The following UBE2D1 variants were observed in gnomAD, a reference collection of about 807,000 sequenced individuals.
The protein encoded by UBE2D1 is ubiquitin-conjugating enzyme E2 D1.
In UBE2D1, 9 loss-of-function variants were observed where a neutral mutation model predicts 24.6. The ratio of observed to expected loss-of-function variants is 0.37; its 90% CI spans 0.22 to 0.64. The LOEUF is 0.64. Among genes scored for constraint, UBE2D1 ranks in the 30% least tolerant of loss-of-function variants. The pLI is 0.64. For synonymous variants in UBE2D1, 57 were observed against 57.6 expected (o/e 0.99, Z 0.04); for missense variants, 87 against 177.1 (o/e 0.49, Z 2.89).
intron 1 of UBE2D1, among the ~76,000 whole-genome samples, chr10:58,347,392 G>A (rs983796953): frequency 2.6e-5 from 4 of 152,090 alleles, no homozygotes; most frequent in Non-Finnish European, 5.9e-5. Flanking sequence ...TGGCTACTTT[G>A]GATTTGTCTA....
At chr10:58,359,863 C>A (rs150518867) in intron 1 of UBE2D1, among the ~76,000 whole-genome samples, 4 of 152,200 alleles carry the variant, frequency 2.6e-5, no homozygotes, top group Admixed American at 6.5e-5. Context: ...ACATGTAATT[C>A]ATCAACTCCT....
chr10:58,350,004 A>C (rs954042293), intron 1 of UBE2D1, among the ~76,000 whole-genome samples: 7 of 152,166 alleles, frequency 4.6e-5, no homozygotes, highest in African/African-American at 1.7e-4. Flanking sequence ...TACTGCATGA[A>C]TATGCTTCGA....
In UBE2D1 at chr10:58,360,840, G is replaced by A. The variant is rs187316965; in HGVS notation, c.25-498G>A. The A allele has an allele frequency of 3.6e-3, 1,366 of 383,202 alleles. 35 individuals carry two copies. The Admixed American group carries it at 0.041, about 11-fold the overall frequency. The allele number at this position is 383,202 out of a possible 1,614,324, so 23.7% of individuals were successfully genotyped here. A position where few individuals can be genotyped will look rare whatever the true frequency, so the allele number is the denominator to read the frequency against. The stretch of plus-strand genomic sequence containing the variant: ...AGTGGGGGCCTGAGGTGGGAGGATC[G>A]CTTAGGCCCAGGAGGTTGAGGCTGC... On this transcript the variant is annotated intron_variant, in intron 1 of 6. Coordinates refer to ENST00000373910, the MANE Select transcript of UBE2D1 (RefSeq NM_003338.5).
intron 1 of UBE2D1, among the ~76,000 whole-genome samples, chr10:58,338,380 A>C (rs1839925642): frequency 2.0e-5 from 3 of 152,202 alleles, no homozygotes. Context: ...CCAGCTCATA[A>C]ATTTACACAC....
intron 3 of UBE2D1, among the ~76,000 whole-genome samples, chr10:58,363,266 A>G (rs1243206963): frequency 6.6e-6 from 1 of 152,154 alleles, no homozygotes; most frequent in African/African-American, 2.4e-5. Flanking sequence ...TTCCCACAGC[A>G]GTCGTGTGTA....
chr10:58,361,782 G>C (rs1400756210), intron 3 of UBE2D1, among the ~76,000 whole-genome samples: 1 of 151,568 alleles, frequency 6.6e-6, no homozygotes, highest in African/African-American at 2.4e-5. Context: ...TCGCAACCAG[G>C]CTGTGTGTTT....
intron 6 of UBE2D1, 34 bp from the exon 7 acceptor site, chr10:58,368,686 A>C: frequency 6.9e-7 from 1 of 1,455,852 alleles, no homozygotes; most frequent in Non-Finnish European, 9.3e-7. Flanking sequence ...TTAATTTTGT[A>C]TGTTTTTACT....
intron 5 of UBE2D1, 150 bp from the exon 6 acceptor site, chr10:58,367,773 A>T (rs983380391): frequency 1.9e-5 from 8 of 417,546 alleles, no homozygotes; most frequent in Non-Finnish European, 3.4e-5. Context: ...TTTGCTATCA[A>T]CCAAAGTAGA....
intron 1 of UBE2D1, among the ~76,000 whole-genome samples, chr10:58,359,694 A>C (rs1840173491): frequency 6.6e-6 from 1 of 152,216 alleles, no homozygotes; most frequent in African/African-American, 2.4e-5. Flanking sequence ...TAGTTACTCA[A>C]GCATGCAGTG....
intron 1 of UBE2D1, among the ~76,000 whole-genome samples, chr10:58,346,883 GCAGAGGA>G (rs1048557974): frequency 1.4e-4 from 22 of 152,308 alleles, no homozygotes; most frequent in African/African-American, 5.1e-4. Flanking sequence ...TACAGTGTTA[GCAGAGGA>G]CATTGAAAAG....
intron 1 of UBE2D1, among the ~76,000 whole-genome samples, chr10:58,341,214 A>T (rs1485489615): frequency 2.0e-5 from 3 of 152,202 alleles, no homozygotes; most frequent in Admixed American, 1.3e-4. Context: ...TTTATTTGAG[A>T]TAACTTTTTG....
chr10:58,342,782 T>C (rs917699809), intron 1 of UBE2D1, among the ~76,000 whole-genome samples: 2 of 152,018 alleles, frequency 1.3e-5, no homozygotes, highest in African/African-American at 4.8e-5. Context: ...AATTCTATTA[T>C]TATTTGACTC....
At chr10:58,355,076 C>A (rs1320003129) in intron 1 of UBE2D1, among the ~76,000 whole-genome samples, 1 of 152,116 alleles carries the variant, frequency 6.6e-6, no homozygotes, top group Non-Finnish European at 1.5e-5. Context: ...TACCACATGT[C>A]ATTAAGCCTC....
chr10:58,346,244 T>G (rs1052968340), intron 1 of UBE2D1, among the ~76,000 whole-genome samples: 1 of 152,130 alleles, frequency 6.6e-6, no homozygotes, highest in African/African-American at 2.4e-5. Context: ...ACCCCTGACC[T>G]CAAATGATCT....
intron 1 of UBE2D1, among the ~76,000 whole-genome samples, chr10:58,344,102 A>G (rs1305831761): frequency 4.6e-5 from 7 of 152,242 alleles, no homozygotes; most frequent in South Asian, 4.1e-4. Flanking sequence ...CTGAAAGCTT[A>G]TGAAATAGTA....
chr10:58,339,353 G>A (rs565843764), intron 1 of UBE2D1, among the ~76,000 whole-genome samples: 3 of 152,240 alleles, frequency 2.0e-5, no homozygotes, highest in East Asian at 1.9e-4. Flanking sequence ...TGATCCACCC[G>A]CCTCAGCCTC....
At chr10:58,347,391 T>C (rs1320424215) in intron 1 of UBE2D1, among the ~76,000 whole-genome samples, 1 of 152,228 alleles carries the variant, frequency 6.6e-6, no homozygotes, top group Non-Finnish European at 1.5e-5. Flanking sequence ...TTGGCTACTT[T>C]GGATTTGTCT....
intron 1 of UBE2D1, among the ~76,000 whole-genome samples, chr10:58,342,762 T>C (rs564096106): frequency 2.0e-5 from 3 of 152,162 alleles, no homozygotes; most frequent in Admixed American, 2.0e-4. Context: ...TCCATTATGG[T>C]CAGAGAACAA....
At chr10:58,346,234 A>G (rs1175617069) in intron 1 of UBE2D1, among the ~76,000 whole-genome samples, 2 of 151,604 alleles carry the variant, frequency 1.3e-5, no homozygotes, top group African/African-American at 4.9e-5. Context: ...CTGGTCTCGA[A>G]CCCCTGACCT....
Sources: allele counts gnomAD v4.1 joint callset (sites outside exome capture counted in the v4.1 genomes callset), GRCh38; gene constraint gnomAD v4.1.1; transcripts MANE v1.5; gene names NCBI Gene and HGNC (gene_info 2026-07-23, HGNC 2026-07-21).